The following HSF2 variants were observed in gnomAD, a reference collection of about 807,000 sequenced individuals.
The protein encoded by HSF2 is heat shock transcription factor 2.
A neutral mutation model predicts 65.0 loss-of-function variants in HSF2; 21 were observed. That is an observed-to-expected ratio of 0.32 (90% CI 0.23 to 0.47). The LOEUF (loss-of-function observed/expected upper bound fraction) is 0.47. Ranked by LOEUF, HSF2 falls within the 20% of genes least tolerant of loss-of-function variation. The pLI is 1.00. For missense variants in HSF2, 499 were observed against 628.1 expected, an observed-to-expected ratio of 0.79 and a Z score of 2.20; for synonymous variants, 225 against 219.1, an observed-to-expected ratio of 1.03 and a Z score of -0.24.
chr6:122,424,187 C>G, intron 10 of HSF2, among the ~76,000 whole-genome samples: 1 of 150,604 alleles, frequency 6.6e-6, no homozygotes, highest in Non-Finnish European at 1.5e-5. Flanking sequence ...ACCACCATCC[C>G]TATGAAGTTG....
intron 4 of HSF2, 89 bp from the exon 5 acceptor site, chr6:122,416,132 G>A (rs1046412347): frequency 1.3e-6 from 1 of 790,234 alleles, no homozygotes; most frequent in Non-Finnish European, 2.1e-6. Context: ...GTGTAGTTCA[G>A]TTGTCTGGTA....
chr6:122,412,780 C>T lies in HSF2; in HGVS notation c.330+16C>T, dbSNP rs749217211. The T allele has an allele frequency of 2.5e-5, 41 of 1,611,194 alleles. 1 individual carries two copies. The Admixed American group carries it at 5.0e-4, about 20-fold the overall frequency. On this transcript the variant is annotated intron_variant, in intron 3 of 12. Coordinates refer to ENST00000368455, the MANE Select transcript of HSF2 (RefSeq NM_004506.4). ...TAAAAGGAAGGTGAGCTATTGTGAA[C>T]GTGAGCTAATTAGGGTATTGACCTG...
chr6:122,426,765 A>G (rs1774347578), intron 10 of HSF2, among the ~76,000 whole-genome samples: 1 of 152,000 alleles, frequency 6.6e-6, no homozygotes, highest in Non-Finnish European at 1.5e-5. Context: ...CCTGTGAACC[A>G]TTTGGTGTGT....
In HSF2 at chr6:122,432,357, C is replaced by T; in HGVS notation, c.*137C>T. 1 of 686,268 alleles carries T rather than the reference C, an allele frequency of 1.5e-6. No individual in the cohort carries two copies. Among genetic ancestry groups the T allele is most frequent in the Non-Finnish European group, 2.4e-6 (1 of 413,680 alleles). 42.5% of individuals were successfully genotyped at this position (686,268 alleles called of 1,614,324 possible). ...TACTGTGGAATAAAAGCACCTTTTG[C>T]TTTTCTCACTAACCACACACTCTTG... On this transcript the variant is annotated 3_prime_UTR_variant, in exon 13 of 13. Coordinates refer to ENST00000368455, the MANE Select transcript of HSF2 (RefSeq NM_004506.4).
At chr6:122,409,349 T>C (rs1049472356) in intron 1 of HSF2, among the ~76,000 whole-genome samples, 1 of 152,022 alleles carries the variant, frequency 6.6e-6, no homozygotes, top group Non-Finnish European at 1.5e-5. Flanking sequence ...AATTTGATAT[T>C]TGACATTTTA....
intron 1 of HSF2, among the ~76,000 whole-genome samples, chr6:122,403,062 G>T (rs961432142): frequency 3.7e-4 from 56 of 151,496 alleles, no homozygotes; most frequent in African/African-American, 1.4e-3. Context: ...TGAGTGTAAG[G>T]CAAGGGAAAA....
chr6:122,416,084 A>C, intron 4 of HSF2, 137 bp from the exon 5 acceptor site: 1 of 569,234 alleles, frequency 1.8e-6, no homozygotes, highest in Non-Finnish European at 3.1e-6. Flanking sequence ...ATTGAACCAA[A>C]GTTTTCTTGG....
chr6:122,426,727 C>T (rs1211912169), intron 10 of HSF2, among the ~76,000 whole-genome samples: 1 of 151,952 alleles, frequency 6.6e-6, no homozygotes, highest in Non-Finnish European at 1.5e-5. Flanking sequence ...GAAGAATCTG[C>T]CTGTGGCTTT....
intron 7 of HSF2, among the ~76,000 whole-genome samples, chr6:122,421,928 G>T (rs192476787): frequency 6.6e-6 from 1 of 152,156 alleles, no homozygotes; most frequent in East Asian, 1.9e-4. Context: ...TACAGTAAAA[G>T]AAGTAGTAAA....
chr6:122,403,897 C>T (rs1030119689), intron 1 of HSF2, among the ~76,000 whole-genome samples: 3 of 151,948 alleles, frequency 2.0e-5, no homozygotes, highest in South Asian at 2.1e-4. Context: ...GAGACAAGGC[C>T]GTAGAGGTTA....
intron 6 of HSF2, among the ~76,000 whole-genome samples, chr6:122,419,482 T>C (rs1360349451): frequency 2.0e-5 from 3 of 152,202 alleles, no homozygotes; most frequent in Non-Finnish European, 1.5e-5. Flanking sequence ...ATACAAAATA[T>C]TCACTTTTCA....
chr6:122,412,284 T>C, intron 1 of HSF2, 89 bp from the exon 2 acceptor site: 3 of 783,922 alleles, frequency 3.8e-6, no homozygotes, highest in South Asian at 1.5e-5. Flanking sequence ...ACTGGACTAC[T>C]CAAGACAGTT....
intron 7 of HSF2, among the ~76,000 whole-genome samples, chr6:122,421,784 G>C (rs926485484): frequency 2.0e-5 from 3 of 152,070 alleles, no homozygotes; most frequent in Non-Finnish European, 2.9e-5. Flanking sequence ...CTATCAGCAT[G>C]GTGGCTGTCT....
At chr6:122,418,877 A>G (rs964953550) in intron 5 of HSF2, among the ~76,000 whole-genome samples, 15 of 152,170 alleles carry the variant, frequency 9.9e-5, no homozygotes, top group African/African-American at 3.6e-4. Flanking sequence ...ATCAAACACC[A>G]GTTTTCTCTT....
Position 122,412,760 on chromosome 6 carries a change from GGAAGGT to G in HSF2, c.329_330+4del, listed in dbSNP as rs1217410424. On this transcript the variant is annotated splice_donor_variant and coding_sequence_variant, in exon 3 of 13. Transcript: ENST00000368455. LOFTEE classifies it high-confidence loss of function. ...GATGACTTGTTGGAGAACATTAAAA[GGAAGGT>G]GAGCTATTGTGAACGTGAGCTAATT... 6.2e-7 allele frequency: 1 copy of G among 1,612,740 alleles called. No homozygotes were observed.
rs1361658618 is a variant in HSF2, at chr6:122,399,657, CG to C, written c.-77del. 1.0e-6 allele frequency: 1 copy of C among 992,704 alleles called. No homozygotes were observed. The highest frequency in any genetic ancestry group is 1.5e-6 in the Non-Finnish European group (1 of 662,584). The allele number at this position is 992,704 out of a possible 1,614,324, so 61.5% of individuals were successfully genotyped here. On this transcript the variant is annotated 5_prime_UTR_variant, in exon 1 of 13. Coordinates refer to ENST00000368455, the MANE Select transcript of HSF2 (RefSeq NM_004506.4). ...GCTGCGCCTGCGTTGTGGGCGTTCT[CG>C]GGGAGCTGCTGCCGTAGCTGCCGCC... is the stretch of plus-strand genomic sequence containing the variant.
At chr6:122,411,878 T>A (rs1183848503) in intron 1 of HSF2, among the ~76,000 whole-genome samples, 1 of 151,964 alleles carries the variant, frequency 6.6e-6, no homozygotes, top group African/African-American at 2.4e-5. Context: ...TGACTTTTAA[T>A]ATTAATTTAG....
At chr6:122,415,457 A>G (rs762840350) in intron 4 of HSF2, among the ~76,000 whole-genome samples, 1 of 152,136 alleles carries the variant, frequency 6.6e-6, no homozygotes, top group Non-Finnish European at 1.5e-5. Flanking sequence ...TAAATAAGTA[A>G]TACACATAAA....
At chr6:122,430,848 A>G (rs1774446951) in intron 11 of HSF2, among the ~76,000 whole-genome samples, 1 of 152,150 alleles carries the variant, frequency 6.6e-6, no homozygotes, top group African/African-American at 2.4e-5. Flanking sequence ...AAAGTGGTTC[A>G]AAGAAGCAAT....
Sources: allele counts gnomAD v4.1 joint callset (sites outside exome capture counted in the v4.1 genomes callset), GRCh38; gene constraint gnomAD v4.1.1; transcripts MANE v1.5; gene names NCBI Gene and HGNC (gene_info 2026-07-23, HGNC 2026-07-21).